The following CIP2A variants were observed in gnomAD, a reference collection of about 807,000 sequenced individuals.
CIP2A encodes the protein cellular inhibitor of PP2A.
Under a neutral mutation model 110.9 loss-of-function variants are expected in CIP2A, and 103 were observed. That is an observed-to-expected ratio of 0.93 (90% CI 0.79 to 1.09). CIP2A has a LOEUF of 1.09. CIP2A is among the 50% of genes least tolerant of loss of function. CIP2A has a pLI of 0.00. For missense variants in CIP2A, 1,088 were observed against 1,038.4 expected (o/e 1.05, Z -0.66); for synonymous variants, 381 against 361.6 (o/e 1.05, Z -0.61).
intron 19 of CIP2A, among the ~76,000 whole-genome samples, chr3:108,553,121 GTTTTTTTTTTTTTT>G (rs768832281): frequency 3.0e-5 from 2 of 67,156 alleles, no homozygotes; most frequent in African/African-American, 1.1e-4. Context: ...CTTTCCTTTT[GTTTTTTTTTTTTTT>G]TTTTTTTTTT....
chr3:108,575,502 A>ATGTATATACTCATATACATG (rs1559699017), intron 8 of CIP2A, among the ~76,000 whole-genome samples: 5 of 149,778 alleles, frequency 3.3e-5, no homozygotes, highest in African/African-American at 1.2e-4. Flanking sequence ...ATATGTATAT[A>ATGTATATACTCATATACATG]TGTATATATA....
chr3:108,565,296 C>T (rs530687632), intron 12 of CIP2A, 59 bp downstream of exon 12: 2 of 818,462 alleles, frequency 2.4e-6, no homozygotes, highest in Admixed American at 5.2e-5. Flanking sequence ...AAAACAGAAA[C>T]TTATATTAGG....
At chr3:108,557,102 T>G (rs561738278) in intron 17 of CIP2A, 116 bp downstream of exon 17, 2 of 579,430 alleles carry the variant, frequency 3.5e-6, no homozygotes, top group Admixed American at 5.9e-5. Flanking sequence ...ATTACTTACC[T>G]CATGTGTTAT....
At chr3:108,571,749 T>G (rs1230886296) in intron 8 of CIP2A, among the ~76,000 whole-genome samples, 1 of 152,182 alleles carries the variant, frequency 6.6e-6, no homozygotes, top group Non-Finnish European at 1.5e-5. Context: ...TGTACACATG[T>G]AAACAATTCT....
chr3:108,566,519 T>C lies in CIP2A; in HGVS notation c.1393A>G (p.Lys465Glu), dbSNP rs1190954373. 2 of 1,608,582 alleles carry C rather than the reference T, an allele frequency of 1.2e-6. No homozygotes were observed. Among genetic ancestry groups the C allele is most frequent in the Non-Finnish European group, 1.7e-6 (2 of 1,177,162 alleles). ...YGKIDLGFGT[K>E]VADSELCKLA... Reference sequence around the variant, plus strand: ...CACCATAATTCAGAATCTGCAACCTTTGTTCCAAATCCCAGGTCAATCTTG... The same window carrying C: ...CACCATAATTCAGAATCTGCAACCTCTGTTCCAAATCCCAGGTCAATCTTG... The change falls in exon 11 of 21, where the codon AAG (lysine) becomes GAG (glutamate). Residue 465 changes from lysine to glutamate, a missense_variant. Coordinates refer to ENST00000295746, the MANE Select transcript of CIP2A (RefSeq NM_020890.3).
chr3:108,569,754 A>C, intron 8 of CIP2A, 147 bp from the exon 9 acceptor site: 1 of 642,962 alleles, frequency 1.6e-6, no homozygotes, highest in East Asian at 2.8e-5. Flanking sequence ...ATTATTTTTC[A>C]AATGTGTGAA....
At chr3:108,561,789 A>G (rs574882457) in intron 13 of CIP2A, among the ~76,000 whole-genome samples, 109 of 152,210 alleles carry the variant, frequency 7.2e-4, no homozygotes, top group Non-Finnish European at 1.2e-3. Flanking sequence ...AGTAAGCATA[A>G]AATGGACATC....
Position 108,563,133 on chromosome 3 carries a change from C to G in CIP2A, c.1627G>C (p.Ala543Pro). 6.3e-7 allele frequency: 1 copy of G among 1,598,424 alleles called. No individual in the cohort carries two copies. Among genetic ancestry groups the G allele is most frequent in the Non-Finnish European group, 8.6e-7 (1 of 1,166,032 alleles). ...CAAATGATTACAACTCACACTAAAG[C>G]AGGAAAATCTGGCAGTGGAGCAGCC... Reference protein sequence around the residue: ...LEAAPLPDFPALVLGESIAAN... With the variant: ...LEAAPLPDFPPLVLGESIAAN... Residue 543 changes from alanine to proline, a missense_variant, in exon 13 of 21, where the codon GCT (alanine) becomes CCT (proline). Transcript: ENST00000295746.
rs552626226 is a variant in CIP2A, at chr3:108,575,260, A to G, written c.894+1011T>C. ...ATACAAAGTTCCAAAATATATATGT[A>G]CATGTGTATATACACACACACGTGT... On this transcript the variant is annotated intron_variant, in intron 8 of 20. Coordinates refer to ENST00000295746, the MANE Select transcript of CIP2A (RefSeq NM_020890.3). Among the ~76,000 whole-genome samples, 3 of 152,054 alleles carry G rather than the reference A, an allele frequency of 2.0e-5. No homozygotes were observed. The South Asian group carries it at 6.2e-4, about 32-fold the overall frequency.
intron 9 of CIP2A, among the ~76,000 whole-genome samples, chr3:108,568,928 A>G (rs1938280710): frequency 6.6e-6 from 1 of 151,362 alleles, no homozygotes; most frequent in Admixed American, 6.6e-5. Flanking sequence ...TTGCCCAGAT[A>G]GTAAGATCTA....
rs370062805 is a variant in CIP2A, at chr3:108,563,930, G to A, written c.1516-686C>T. ...CTCATTTTGGTACTTAAAACGTTTT[G>A]TTTTTTGGAGCATTTCAGATTTCAG... is the stretch of plus-strand genomic sequence containing the variant. On this transcript the variant is annotated intron_variant, in intron 12 of 20. Transcript: ENST00000295746. Among the ~76,000 whole-genome samples the A allele has an allele frequency of 1.1e-4, 17 of 151,838 alleles. 1 individual carries two copies. Among genetic ancestry groups the A allele is most frequent in the Admixed American group, 6.6e-4 (10 of 15,200 alleles).
rs1419003329 is a variant in CIP2A, at chr3:108,585,119, G to A, written c.196C>T (p.Pro66Ser). 2 of 1,613,424 alleles carry A rather than the reference G, an allele frequency of 1.2e-6. No individual in the cohort carries two copies. ...LSCLVELLED[P>S]NISASLILSI... The stretch of plus-strand genomic sequence containing the variant: ...AAGATCAGTGAAGCACTTATGTTGG[G>A]GTCTTCAAGTAGCTCTACAAGGCAA... Residue 66 changes from proline (P) to serine (S), a missense_variant, in exon 2 of 21, where the codon CCC (proline) becomes TCC (serine). Coordinates refer to ENST00000295746, the MANE Select transcript of CIP2A (RefSeq NM_020890.3).
intron 1 of CIP2A, among the ~76,000 whole-genome samples, chr3:108,587,061 T>C (rs1268827201): frequency 6.6e-6 from 1 of 152,172 alleles, no homozygotes; most frequent in Non-Finnish European, 1.5e-5. Flanking sequence ...TGTGGATAAG[T>C]GATGGTAAAT....
At chr3:108,571,064 C>T (rs1392957176) in intron 8 of CIP2A, among the ~76,000 whole-genome samples, 1 of 152,164 alleles carries the variant, frequency 6.6e-6, no homozygotes, top group African/African-American at 2.4e-5. Context: ...GGGTAATCAA[C>T]ACCACTTCCA....
chr3:108,581,388 A>T, intron 5 of CIP2A, 27 bp downstream of exon 5: 3 of 1,471,200 alleles, frequency 2.0e-6, no homozygotes, highest in Non-Finnish European at 2.8e-6. Context: ...TAAAACAAGA[A>T]ACATTAAAAA....
intron 7 of CIP2A, among the ~76,000 whole-genome samples, chr3:108,578,874 T>C (rs1938767637): frequency 1.3e-5 from 2 of 152,286 alleles, no homozygotes; most frequent in South Asian, 4.1e-4. Context: ...ACAAACATAA[T>C]GACATCAATG....
At position 108,584,269 on chromosome 3, in the gene CIP2A, T is replaced by G. The variant is rs548085546; in HGVS notation, c.250+796A>C. On this transcript the variant is annotated intron_variant, in intron 2 of 20. Coordinates refer to ENST00000295746, the MANE Select transcript of CIP2A (RefSeq NM_020890.3). ...ACTAGGCAGCTATTAAAGATACTGA[T>G]ATGGAAAGAAACATCTGGTGCTCCA... 6.6e-4 allele frequency among the ~76,000 whole-genome samples: 100 copies of G among 152,286 alleles called. 1 individual carries two copies. The highest frequency in any genetic ancestry group is 1.1e-3 in the Non-Finnish European group (78 of 67,994).
intron 3 of CIP2A, among the ~76,000 whole-genome samples, chr3:108,582,533 A>G (rs563585556): frequency 4.6e-4 from 70 of 152,284 alleles, no homozygotes; most frequent in African/African-American, 1.6e-3. Flanking sequence ...TTAATTTGTG[A>G]TGTTTTTCTT....
At chr3:108,580,273 A>C (rs907547584) in intron 5 of CIP2A, among the ~76,000 whole-genome samples, 1 of 152,240 alleles carries the variant, frequency 6.6e-6, no homozygotes, top group Non-Finnish European at 1.5e-5. Context: ...ATGTGTGAGC[A>C]AGATGGGTAG....
Sources: allele counts gnomAD v4.1 joint callset (sites outside exome capture counted in the v4.1 genomes callset), GRCh38; gene constraint gnomAD v4.1.1; transcripts MANE v1.5; gene names NCBI Gene and HGNC (gene_info 2026-07-23, HGNC 2026-07-21).